SPOCK1: variants seen among roughly 807,000 people sequenced by gnomAD.
SPOCK1 encodes testican-1.
A neutral mutation model predicts 55.3 loss-of-function variants in SPOCK1; 23 were observed. The observed-to-expected ratio is 0.42, with a 90% CI of 0.30 to 0.59. The LOEUF (loss-of-function observed/expected upper bound fraction) is 0.59. Ranked by LOEUF, SPOCK1 falls within the 20% of genes least tolerant of loss-of-function variation. The pLI is 0.22. For synonymous variants in SPOCK1, 226 were observed against 221.0 expected, an observed-to-expected ratio of 1.02 and a Z score of -0.20; for missense variants, 499 against 552.5, an observed-to-expected ratio of 0.90 and a Z score of 0.97.
intron 2 of SPOCK1, among the ~76,000 whole-genome samples, chr5:137,339,117 G>A (rs1750356955): frequency 6.6e-6 from 1 of 152,330 alleles, no homozygotes; most frequent in South Asian, 2.1e-4. Flanking sequence ...CATACAGCCA[G>A]TGACCAGAGG....
chr5:137,155,433 T>C (rs573496333), intron 3 of SPOCK1, among the ~76,000 whole-genome samples: 24 of 152,306 alleles, frequency 1.6e-4, no homozygotes, highest in African/African-American at 5.1e-4. Context: ...TCACTTGGCC[T>C]CTATTGTTGC....
intron 5 of SPOCK1, among the ~76,000 whole-genome samples, chr5:137,070,828 T>C (rs961207312): frequency 1.4e-4 from 22 of 152,250 alleles, no homozygotes; most frequent in African/African-American, 5.1e-4. Context: ...TCCCCTCTCC[T>C]GTCCAGCCCT....
chr5:137,448,565 G>T (rs565104644), intron 2 of SPOCK1, among the ~76,000 whole-genome samples: 1 of 152,290 alleles, frequency 6.6e-6, no homozygotes, highest in African/African-American at 2.4e-5. Flanking sequence ...ATTAGGTATA[G>T]CCACTAAATG....
intron 2 of SPOCK1, among the ~76,000 whole-genome samples, chr5:137,310,764 T>C (rs1757778171): frequency 1.3e-5 from 2 of 152,228 alleles, no homozygotes; most frequent in Non-Finnish European, 2.9e-5. Flanking sequence ...GGTTTATTAA[T>C]GAATTAATAA....
chr5:137,204,567 C>A (rs1246342820), intron 3 of SPOCK1, among the ~76,000 whole-genome samples: 2 of 151,980 alleles, frequency 1.3e-5, no homozygotes, highest in Non-Finnish European at 2.9e-5. Context: ...TCACCCTGTA[C>A]CATAGATTCT....
chr5:137,329,782 A>G (rs1000782005), intron 2 of SPOCK1, among the ~76,000 whole-genome samples: 2 of 152,222 alleles, frequency 1.3e-5, no homozygotes. Context: ...AAGCTCGAGA[A>G]GCCATCTGCA....
intron 4 of SPOCK1, among the ~76,000 whole-genome samples, chr5:137,127,807 A>C (rs1455126255): frequency 6.6e-6 from 1 of 152,226 alleles, no homozygotes; most frequent in South Asian, 2.1e-4. Context: ...GATGAACAGT[A>C]TCTTGAATCT....
chr5:137,131,816 C>T (rs1452170093), intron 4 of SPOCK1, among the ~76,000 whole-genome samples: 3 of 148,122 alleles, frequency 2.0e-5, no homozygotes, highest in Non-Finnish European at 3.0e-5. Context: ...ACTAAAAATA[C>T]AAAAAATTAG....
intron 2 of SPOCK1, among the ~76,000 whole-genome samples, chr5:137,493,749 G>A (rs925553098): frequency 5.9e-5 from 9 of 152,120 alleles, no homozygotes; most frequent in Non-Finnish European, 1.0e-4. Context: ...TCTCGATTAC[G>A]GGCTGAGTTT....
At chr5:137,051,791 T>C (rs1054065659) in intron 6 of SPOCK1, among the ~76,000 whole-genome samples, 2 of 152,158 alleles carry the variant, frequency 1.3e-5, no homozygotes, top group African/African-American at 4.8e-5. Context: ...CACGCACACA[T>C]ACACACCTTT....
intron 6 of SPOCK1, among the ~76,000 whole-genome samples, chr5:137,027,259 GACACA>G (rs1195697405): frequency 6.6e-6 from 1 of 152,154 alleles, no homozygotes; most frequent in Non-Finnish European, 1.5e-5. Flanking sequence ...AAGGAGAGAT[GACACA>G]CAGATAGTGC....
rs557056341 is a variant in SPOCK1 at position 137,037,860 on chromosome 5, G to A, written c.589+29855C>T. Among the ~76,000 whole-genome samples, 14 of 152,332 alleles carry A rather than the reference G, an allele frequency of 9.2e-5. No homozygotes were observed. The East Asian group carries it at 2.3e-3, about 25-fold the overall frequency. On this transcript the variant is annotated intron_variant, in intron 6 of 10. Transcript: ENST00000394945. ...ACCCAGGGGTGCTGGTCTCATTCAC[G>A]TGGGTGGAATGCAGCCAGTAGCTGC...
rs969780736 is a variant in SPOCK1 at position 137,362,324 on chromosome 5, A to T, written c.187-95269T>A. ...TTATTAAGGACTTAACACAGACGTCAGCAACCTTTTTTTTTTTTTTTTTGA... is the reference window on the plus strand; with the variant it reads ...TTATTAAGGACTTAACACAGACGTCTGCAACCTTTTTTTTTTTTTTTTTGA... On this transcript the variant is annotated intron_variant, in intron 2 of 10. Transcript: ENST00000394945. Among the ~76,000 whole-genome samples, 3 of 150,470 alleles carry T rather than the reference A, an allele frequency of 2.0e-5. No individual in the cohort carries two copies. In the South Asian group the frequency reaches 6.3e-4, roughly 32 times the overall value.
chr5:137,404,112 A>G (rs923844716), intron 2 of SPOCK1, among the ~76,000 whole-genome samples: 6 of 152,152 alleles, frequency 3.9e-5, no homozygotes, highest in Non-Finnish European at 1.5e-5. Flanking sequence ...GCGTATCCAC[A>G]CTCACTGCTC....
rs187044373 is a variant in SPOCK1, at chr5:137,336,616, C to A, written c.187-69561G>T. ...AGTTGCTTTCTTGGCCCCCTTAATTCTCTAGCTCCTGGTAACAGTCTCTGT... is the reference window on the plus strand; with the variant it reads ...AGTTGCTTTCTTGGCCCCCTTAATTATCTAGCTCCTGGTAACAGTCTCTGT... On this transcript the variant is annotated intron_variant, in intron 2 of 10. Coordinates refer to ENST00000394945, the MANE Select transcript of SPOCK1 (RefSeq NM_004598.4). Among the ~76,000 whole-genome samples, 4 of 152,248 alleles carry A rather than the reference C, an allele frequency of 2.6e-5. No individual in the cohort carries two copies. The East Asian group carries it at 7.7e-4, about 29-fold the overall frequency.
chr5:137,132,142 T>G (rs1338456334), intron 4 of SPOCK1, among the ~76,000 whole-genome samples: 5 of 122,592 alleles, frequency 4.1e-5, no homozygotes, highest in African/African-American at 1.6e-4. Context: ...GCCACTGCAC[T>G]CCAGCCTGGG....
At chr5:137,136,114 C>T (rs2127048369) in intron 4 of SPOCK1, among the ~76,000 whole-genome samples, 1 of 152,172 alleles carries the variant, frequency 6.6e-6, no homozygotes, top group South Asian at 2.1e-4. Context: ...TGTTGCTTTT[C>T]TTTTTGCATT....
At chr5:137,348,141 G>A (rs537200590) in intron 2 of SPOCK1, among the ~76,000 whole-genome samples, 6 of 152,294 alleles carry the variant, frequency 3.9e-5, no homozygotes, top group African/African-American at 1.4e-4. Context: ...CCAAGCCCAA[G>A]CCTGGTACAT....
intron 3 of SPOCK1, among the ~76,000 whole-genome samples, chr5:137,258,216 C>T (rs940352436): frequency 2.0e-5 from 3 of 152,190 alleles, no homozygotes; most frequent in Non-Finnish European, 2.9e-5. Context: ...CTTAGGTACA[C>T]ACAGCTATTA....
Sources: allele counts gnomAD v4.1 joint callset (sites outside exome capture counted in the v4.1 genomes callset), GRCh38; gene constraint gnomAD v4.1.1; transcripts MANE v1.5; gene names NCBI Gene and HGNC (gene_info 2026-07-23, HGNC 2026-07-21).